The following PRH1 variants were observed in gnomAD, a reference collection of about 807,000 sequenced individuals.
PRH1 encodes the protein proline rich protein HaeIII subfamily 1, also known as salivary acidic proline-rich phosphoprotein 1/2.
Under a neutral mutation model 7.9 loss-of-function variants are expected in PRH1, and 7 were observed. The ratio of observed to expected loss-of-function variants is 0.89; its 90% confidence interval spans 0.50 to 1.67. PRH1 has a LOEUF of 1.67. Among genes scored for constraint, PRH1 ranks in the 40% most tolerant of loss-of-function variants. The pLI, the probability that PRH1 is intolerant of heterozygous loss-of-function variation, is 0.00. For synonymous variants in PRH1, 45 were observed against 80.8 expected (o/e 0.56, Z 2.38); for missense variants, 109 against 223.6 (o/e 0.49, Z 3.27).
At chr12:10,959,626 T>C (rs1334408032) in intron 2 of PRH1, among the ~76,000 whole-genome samples, 2 of 152,148 alleles carry the variant, frequency 1.3e-5, no homozygotes, top group East Asian at 3.8e-4. Context: ...CATAATTCTA[T>C]CTATGTATTT....
intron 1 of PRH1, chr12:11,061,304 A>C: frequency 6.5e-7 from 1 of 1,539,748 alleles, no homozygotes; most frequent in Non-Finnish European, 8.7e-7. Context: ...AAGAAATATA[A>C]AATGCTTCAT....
In PRH1 at chr12:11,081,996, T is replaced by A. The variant is rs74336307; in HGVS notation, n.124-34808A>T. Among the ~76,000 whole-genome samples, 583 of 87,680 alleles carry A rather than the reference T, an allele frequency of 6.6e-3. 2 individuals carry two copies. Among genetic ancestry groups the A allele is most frequent in the Middle Eastern group, 0.01 (2 of 194 alleles). The allele number at this position is 87,680 out of a possible 152,430, so 57.5% of individuals were successfully genotyped here. A position where few individuals can be genotyped will look rare whatever the true frequency, so the allele number is the denominator to read the frequency against. ...TAATTTATAATTGTTTCCTTAAGCA[T>A]TGTATTTTAAACTACACTACACTTA... On this transcript the variant is annotated intron_variant and non_coding_transcript_variant, in intron 1 of 4. Coordinates refer to the PRH1 transcript ENST00000541977.
intron 2 of PRH1, among the ~76,000 whole-genome samples, chr12:10,957,508 C>A (rs1185767222): frequency 6.6e-6 from 1 of 152,044 alleles, no homozygotes; most frequent in Non-Finnish European, 1.5e-5. Context: ...TAGGACCTGG[C>A]AAAGATTTCA....
At chr12:11,074,582 G>C (rs1464517733) in intron 1 of PRH1, among the ~76,000 whole-genome samples, 1 of 91,762 alleles carries the variant, frequency 1.1e-5, no homozygotes, top group Admixed American at 1.1e-4. Context: ...AAACAGTTTT[G>C]TGCATTTCTA....
chr12:11,004,815 T>C (rs1306918990), intron 1 of PRH1, among the ~76,000 whole-genome samples: 1 of 152,022 alleles, frequency 6.6e-6, no homozygotes, highest in Non-Finnish European at 1.5e-5. Context: ...TGGCATATTG[T>C]AGGGGAAATT....
intron 1 of PRH1, among the ~76,000 whole-genome samples, chr12:11,080,252 G>A (rs1483260693): frequency 8.6e-6 from 1 of 116,850 alleles, no homozygotes; most frequent in Admixed American, 8.5e-5. Context: ...CTTATTCATG[G>A]CTTCCTGGAA....
In PRH1 at chr12:10,926,730, A is replaced by T. The variant is rs141950776; in HGVS notation, c.-58-42455T>A. Among the ~76,000 whole-genome samples, 727 of 152,312 alleles carry T rather than the reference A, an allele frequency of 4.8e-3. 5 individuals are homozygous for T. The highest frequency in any genetic ancestry group is 0.017 in the African/African-American group (691 of 41,574). ...TTGAGATGTATTTTGAAGGTGGAAGAAATTAGATAAGCTAATGGGTAGTGC... is the reference window on the plus strand; with the variant it reads ...TTGAGATGTATTTTGAAGGTGGAAGTAATTAGATAAGCTAATGGGTAGTGC... On this transcript the variant is annotated intron_variant, in intron 2 of 3. Coordinates refer to the PRH1 transcript ENST00000539853.
At position 11,162,744 on chromosome 12, in the gene PRH1, A is replaced by G. The variant is rs558140914; in HGVS notation, n.39+8678T>C. Among the ~76,000 whole-genome samples, 5 of 152,278 alleles carry G rather than the reference A, an allele frequency of 3.3e-5. No individual in the cohort carries two copies. The East Asian group carries it at 9.7e-4, about 29-fold the overall frequency. On this transcript the variant is annotated intron_variant and non_coding_transcript_variant, in intron 1 of 1. Transcript: ENST00000541175. ...TGAGTTCTTGCCACTGGAGCTTGAGAAGTGATGTGTGAAAACTCTATGTCC... is the reference window on the plus strand; with the variant it reads ...TGAGTTCTTGCCACTGGAGCTTGAGGAGTGATGTGTGAAAACTCTATGTCC...
chr12:11,001,153 C>T (rs10772409), intron 1 of PRH1, among the ~76,000 whole-genome samples: 45,813 of 148,330 alleles, frequency 0.31, 8,668 homozygotes, highest in East Asian at 0.73. Flanking sequence ...ATGTTAGTAG[C>T]TTTTTTTTTT....
intron 1 of PRH1, among the ~76,000 whole-genome samples, chr12:11,024,904 C>A (rs1280588530): frequency 6.9e-6 from 1 of 145,092 alleles, no homozygotes; most frequent in Non-Finnish European, 1.5e-5. Context: ...TTATCTCCAG[C>A]CTCTTTATTG....
chr12:11,041,115 G>A (rs939067581), intron 1 of PRH1, among the ~76,000 whole-genome samples: 1 of 151,310 alleles, frequency 6.6e-6, no homozygotes. Context: ...CAGTAATAAC[G>A]TTGAATGAAA....
At chr12:10,929,552 C>CG (rs1950172675) in intron 2 of PRH1, among the ~76,000 whole-genome samples, 2 of 151,926 alleles carry the variant, frequency 1.3e-5, no homozygotes, top group African/African-American at 4.8e-5. Flanking sequence ...AGAATTTGTA[C>CG]CGGGGGAGTG....
At chr12:11,003,866 A>G (rs900482665) in intron 1 of PRH1, among the ~76,000 whole-genome samples, 1 of 152,038 alleles carries the variant, frequency 6.6e-6, no homozygotes, top group African/African-American at 2.4e-5. Context: ...ATTCTTTGTA[A>G]ACATGTCCCT....
intron 1 of PRH1, among the ~76,000 whole-genome samples, chr12:10,975,565 A>G (rs865998056): frequency 1.7e-4 from 26 of 152,314 alleles, no homozygotes; most frequent in Middle Eastern, 3.4e-3. Context: ...AAATCTTCAC[A>G]TATCAACACT....
intron 1 of PRH1, among the ~76,000 whole-genome samples, chr12:11,113,007 GACAA>G (rs1187934061): frequency 1.5e-4 from 23 of 152,152 alleles, no homozygotes; most frequent in African/African-American, 4.8e-4. Context: ...ACCAATAACA[GACAA>G]ACAGAGAGCC....
chr12:10,978,424 T>C (rs1939205626), intron 1 of PRH1, among the ~76,000 whole-genome samples: 1 of 152,106 alleles, frequency 6.6e-6, no homozygotes, highest in African/African-American at 2.4e-5. Flanking sequence ...GCAAGCTGGA[T>C]TAAATACTAA....
intron 1 of PRH1, among the ~76,000 whole-genome samples, chr12:11,164,920 C>T (rs1947526343): frequency 6.6e-6 from 1 of 152,006 alleles, no homozygotes; most frequent in Admixed American, 6.6e-5. Context: ...CATTCCTAGA[C>T]CCCTTTGCAG....
intron 1 of PRH1, among the ~76,000 whole-genome samples, chr12:11,167,975 T>G (rs889139523): frequency 1.3e-5 from 2 of 152,040 alleles, no homozygotes; most frequent in African/African-American, 4.8e-5. Flanking sequence ...AGGTGATTTT[T>G]TATGCACCTA....
intron 2 of PRH1, among the ~76,000 whole-genome samples, chr12:10,891,222 T>G (rs948649898): frequency 6.6e-6 from 1 of 152,154 alleles, no homozygotes; most frequent in Non-Finnish European, 1.5e-5. Context: ...TAAGCATTAT[T>G]GCCACTACTC....
Sources: gnomAD v4.1 joint callset for allele counts (sites outside exome capture counted in the v4.1 genomes callset) on GRCh38, gnomAD v4.1.1 for gene constraint, MANE v1.5 for transcripts, NCBI Gene and HGNC (gene_info 2026-07-23, HGNC 2026-07-21) for gene names.